The following IL23R variants were observed in gnomAD, a reference collection of about 807,000 sequenced individuals.
IL23R encodes interleukin-23 receptor.
Under a neutral mutation model 56.9 loss-of-function variants are expected in IL23R, and 34 were observed. The ratio of observed to expected loss-of-function variants is 0.60; its 90% CI spans 0.45 to 0.80. The LOEUF (loss-of-function observed/expected upper bound fraction) is 0.80, where lower values mean the gene tolerates loss of function less well. Among genes scored for constraint, IL23R ranks in the 30% least tolerant of loss-of-function variants. IL23R has a pLI of 0.00. For missense variants in IL23R, 635 were observed against 730.0 expected, an observed-to-expected ratio of 0.87 and a Z score of 1.50; for synonymous variants, 230 against 249.2, an observed-to-expected ratio of 0.92 and a Z score of 0.73.
At chr1:67,201,000 G>A in intron 5 of IL23R, 103 bp downstream of exon 5, 5 of 1,196,254 alleles carry the variant, frequency 4.2e-6, no homozygotes, top group Non-Finnish European at 4.9e-6. Flanking sequence ...AGTTCCTGCA[G>A]AGCATGATAA....
chr1:67,194,376 G>GC (rs1237807360), intron 4 of IL23R, among the ~76,000 whole-genome samples: 7 of 152,102 alleles, frequency 4.6e-5, no homozygotes, highest in African/African-American at 1.7e-4. Flanking sequence ...CTATCCAGGA[G>GC]CCCCCAGCCA....
chr1:67,158,071 C>T (rs1221668507), intron 1 of IL23R, among the ~76,000 whole-genome samples: 1 of 152,068 alleles, frequency 6.6e-6, no homozygotes, highest in African/African-American at 2.4e-5. Flanking sequence ...CAAAAATTAG[C>T]TGGGCATGAT....
At chr1:67,248,281 T>C (rs1464987640) in intron 9 of IL23R, among the ~76,000 whole-genome samples, 1 of 152,190 alleles carries the variant, frequency 6.6e-6, no homozygotes. Context: ...TTTTCACATA[T>C]TCCCATATTT....
chr1:67,232,908 A>C (rs186234378), intron 7 of IL23R, among the ~76,000 whole-genome samples: 1 of 152,134 alleles, frequency 6.6e-6, no homozygotes, highest in African/African-American at 2.4e-5. Context: ...TGGTTTTATA[A>C]GGGGCTTTTC....
chr1:67,230,134 A>C (rs1254578482), intron 7 of IL23R, among the ~76,000 whole-genome samples: 2 of 152,178 alleles, frequency 1.3e-5, no homozygotes, highest in Admixed American at 6.5e-5. Context: ...TACCCTGGAT[A>C]CAGCTATGGT....
At chr1:67,212,360 G>C (rs1649534923) in intron 6 of IL23R, among the ~76,000 whole-genome samples, 1 of 152,164 alleles carries the variant, frequency 6.6e-6, no homozygotes, top group Non-Finnish European at 1.5e-5. Context: ...TCAGAGTCAA[G>C]AGGAGTGGGA....
chr1:67,263,807 T>C (rs1193265106), downstream of IL23R, among the ~76,000 whole-genome samples: 1 of 150,424 alleles, frequency 6.6e-6, no homozygotes, highest in Non-Finnish European at 1.5e-5. Context: ...GAGGTTGCAG[T>C]GAGCCAAGAT....
intron 4 of IL23R, among the ~76,000 whole-genome samples, chr1:67,183,199 T>A (rs991873031): frequency 4.6e-5 from 7 of 152,254 alleles, no homozygotes; most frequent in African/African-American, 1.7e-4. Flanking sequence ...AGTAGGTAAC[T>A]GGTAGCAGGC....
intron 1 of IL23R, among the ~76,000 whole-genome samples, chr1:67,150,652 T>TAA (rs3052338): frequency 0.33 from 31,554 of 95,540 alleles, 4,190 homozygotes; most frequent in Admixed American, 0.43. Context: ...GAACTTAAAG[T>TAA]AAAAAAAAAA....
chr1:67,258,397 A>C, intron 10 of IL23R, 81 bp from the exon 11 acceptor site: 1 of 1,106,140 alleles, frequency 9.0e-7, no homozygotes, highest in Non-Finnish European at 1.3e-6. Context: ...GAAAGAAAGC[A>C]AAATTCCTAT....
At chr1:67,238,900 G>A (rs930058090) in intron 8 of IL23R, among the ~76,000 whole-genome samples, 1 of 152,162 alleles carries the variant, frequency 6.6e-6, no homozygotes, top group Admixed American at 6.5e-5. Context: ...ACTCCTGCCT[G>A]CTGATTGGCT....
chr1:67,205,911 CTTTCTTTCTTTCTTT>C (rs1357598037), intron 5 of IL23R, among the ~76,000 whole-genome samples: 24 of 97,310 alleles, frequency 2.5e-4, no homozygotes, highest in African/African-American at 7.5e-4. Flanking sequence ...TTCTTTCTTT[CTTTCTTTCTTTCTTT>C]TTCTTTCTTT....
At chr1:67,139,916 A>G (rs1254810597) in intron 1 of IL23R, among the ~76,000 whole-genome samples, 1 of 152,180 alleles carries the variant, frequency 6.6e-6, no homozygotes, top group Non-Finnish European at 1.5e-5. Context: ...ATGGGTTAAC[A>G]GATTAATGGA....
At chr1:67,205,249 C>T (rs866591439) in intron 5 of IL23R, among the ~76,000 whole-genome samples, 41 of 152,316 alleles carry the variant, frequency 2.7e-4, no homozygotes, top group African/African-American at 9.4e-4. Flanking sequence ...TGTTACTAGA[C>T]AGCAAATCCT....
intron 3 of IL23R, among the ~76,000 whole-genome samples, chr1:67,172,092 G>A (rs1646951439): frequency 2.0e-5 from 3 of 152,166 alleles, no homozygotes; most frequent in Non-Finnish European, 1.5e-5. Context: ...ACTGCCAGGT[G>A]AGAATTTACT....
chr1:67,205,915 C>CTTTCTTTCTTTCTTTCTTTCTT (rs58824749), intron 5 of IL23R, among the ~76,000 whole-genome samples: 4,984 of 122,614 alleles, frequency 0.041, 132 homozygotes, highest in East Asian at 0.063. Flanking sequence ...TTCTTTCTTT[C>CTTTCTTTCTTTCTTTCTTTCTT]TTTCTTTCTT....
chr1:67,176,652 T>C (rs1647013385), intron 3 of IL23R, among the ~76,000 whole-genome samples: 1 of 152,224 alleles, frequency 6.6e-6, no homozygotes. Context: ...TTTTAAATTA[T>C]ACTTGAAGTT....
intron 1 of IL23R, among the ~76,000 whole-genome samples, chr1:67,161,190 C>A (rs1247546793): frequency 6.6e-6 from 1 of 152,162 alleles, no homozygotes; most frequent in Non-Finnish European, 1.5e-5. Flanking sequence ...TCCCCTTCCA[C>A]TCATAGTTGA....
intron 4 of IL23R, among the ~76,000 whole-genome samples, chr1:67,198,381 C>T (rs967723474): frequency 2.0e-5 from 3 of 152,346 alleles, no homozygotes; most frequent in African/African-American, 7.2e-5. Context: ...GAGGCTCAAA[C>T]ATTCTGTCCA....
Sources: allele counts gnomAD v4.1 joint callset (sites outside exome capture counted in the v4.1 genomes callset), GRCh38; gene constraint gnomAD v4.1.1; transcripts MANE v1.5; gene names NCBI Gene and HGNC (gene_info 2026-07-23, HGNC 2026-07-21).